Variants in ARHGAP6 observed in about 807,000 individuals in gnomAD.
ARHGAP6 encodes the protein rho GTPase-activating protein 6.
A neutral mutation model predicts 55.7 loss-of-function variants in ARHGAP6; 16 were observed. The ratio of observed to expected loss-of-function variants is 0.29; its 90% CI spans 0.19 to 0.44. The LOEUF (loss-of-function observed/expected upper bound fraction) is 0.44, where lower values mean the gene tolerates loss of function less well. ARHGAP6 is among the 20% of genes least tolerant of loss of function. ARHGAP6 has a pLI of 1.00. For synonymous variants in ARHGAP6, 382 were observed against 360.9 expected, an observed-to-expected ratio of 1.06 and a Z score of -0.66; for missense variants, 698 against 808.9, an observed-to-expected ratio of 0.86 and a Z score of 1.66.
chrX:11,181,950 T>TA (rs754110970), intron 6 of ARHGAP6, 113 bp downstream of exon 6: 49,058 of 464,582 alleles, frequency 0.11, 1,459 homozygotes, highest in African/African-American at 0.18. Flanking sequence ...GCTTGGAGGG[T>TA]AAAAAAAAAA....
intron 3 of ARHGAP6, among the ~76,000 whole-genome samples, chrX:11,191,395 T>C (rs1425293244): frequency 8.9e-6 from 1 of 112,037 alleles, no homozygotes; most frequent in Non-Finnish European, 1.9e-5. Flanking sequence ...AGTAAATGAA[T>C]AGGCATGGCT....
chrX:11,556,222 T>A (rs2051319320), intron 1 of ARHGAP6, among the ~76,000 whole-genome samples: 1 of 112,060 alleles, frequency 8.9e-6, no homozygotes, highest in Non-Finnish European at 1.9e-5. Context: ...ATCATTATCA[T>A]CCTCCTCAAA....
intron 1 of ARHGAP6, among the ~76,000 whole-genome samples, chrX:11,392,522 C>G (rs962745230): frequency 9.0e-6 from 1 of 111,677 alleles, no homozygotes; most frequent in Non-Finnish European, 1.9e-5. Context: ...AGAGAGAAAT[C>G]CTAAAAGGAA....
chrX:11,588,212 A>G (rs2051758831), intron 1 of ARHGAP6, among the ~76,000 whole-genome samples: 1 of 111,803 alleles, frequency 8.9e-6, no homozygotes, highest in South Asian at 3.7e-4. Flanking sequence ...CAACATTTTG[A>G]AAAGTAATAC....
intron 1 of ARHGAP6, among the ~76,000 whole-genome samples, chrX:11,370,529 AAT>A (rs1261520334): frequency 8.9e-6 from 1 of 111,815 alleles, no homozygotes; most frequent in African/African-American, 3.3e-5. Context: ...CCAGTGAAAG[AAT>A]AAAAGTGATA....
At chrX:11,289,651 G>A (rs369162387) in intron 1 of ARHGAP6, among the ~76,000 whole-genome samples, 1 of 111,690 alleles carries the variant, frequency 9.0e-6, no homozygotes, top group Admixed American at 9.5e-5. Flanking sequence ...TGCCATAATC[G>A]ATTTGAACCA....
chrX:11,359,905 G>A (rs1038628747), intron 1 of ARHGAP6, among the ~76,000 whole-genome samples: 1 of 111,970 alleles, frequency 8.9e-6, no homozygotes, highest in Non-Finnish European at 1.9e-5. Context: ...GGAAAATCTA[G>A]AAGAAATCGA....
chrX:11,437,594 T>C lies in ARHGAP6; in HGVS notation c.589-182887A>G, dbSNP rs765611122. ...TAAAGCCAAGTAAGGGTGTGATTTC[T>C]AGCAAAGTCCCAGTCTCAGTCTGGT... On this transcript the variant is annotated intron_variant, in intron 1 of 12. Coordinates refer to ENST00000337414, the MANE Select transcript of ARHGAP6 (RefSeq NM_013427.3). 2.3e-4 allele frequency among the ~76,000 whole-genome samples: 26 copies of C among 112,290 alleles called. No homozygotes were observed. In the South Asian group the frequency reaches 4.4e-3, roughly 19 times the overall value.
intron 1 of ARHGAP6, among the ~76,000 whole-genome samples, chrX:11,605,966 G>A (rs1269786568): frequency 9.0e-6 from 1 of 110,513 alleles, no homozygotes; most frequent in Non-Finnish European, 1.9e-5. Context: ...GTAAGTTGTG[G>A]GGCATGGAGT....
chrX:11,512,876 G>A (rs142665098), intron 1 of ARHGAP6, among the ~76,000 whole-genome samples: 8,248 of 111,479 alleles, frequency 0.074, 366 homozygotes, highest in East Asian at 0.18. Context: ...TAAATACATG[G>A]CAAATAATCA....
chrX:11,602,017 T>C (rs1410218973), intron 1 of ARHGAP6, among the ~76,000 whole-genome samples: 1 of 109,798 alleles, frequency 9.1e-6, no homozygotes, highest in Non-Finnish European at 1.9e-5. Context: ...TGAGAGGGGG[T>C]TGCTTAGCAA....
At chrX:11,226,638 G>GT (rs1246252187) in intron 2 of ARHGAP6, among the ~76,000 whole-genome samples, 1 of 112,004 alleles carries the variant, frequency 8.9e-6, no homozygotes, top group East Asian at 2.8e-4. Context: ...TTCATATTCA[G>GT]TTTTTAGGAG....
At chrX:11,164,758 C>A (rs1201306047) in intron 9 of ARHGAP6, among the ~76,000 whole-genome samples, 3 of 112,161 alleles carry the variant, frequency 2.7e-5, no homozygotes, top group Non-Finnish European at 5.6e-5. Context: ...TTTCTTGCCC[C>A]TCTCCTAAGA....
chrX:11,241,531 C>CGTGTGTGTGT lies in ARHGAP6; in HGVS notation c.748+13007_748+13016dup, dbSNP rs55815640. Among the ~76,000 whole-genome samples, 35 of 91,728 alleles carry CGTGTGTGTGT rather than the reference C, an allele frequency of 3.8e-4. No individual in the cohort carries two copies. The East Asian group carries it at 0.01, about 27-fold the overall frequency. 79.7% of individuals were successfully genotyped at this position (91,728 alleles called of 115,157 possible). ...CCCATCATTCAGGCAATGCTGGATA[C>CGTGTGTGTGT]GTGTGTGTGTGTGTGTGTGTGTGTG... On this transcript the variant is annotated intron_variant, in intron 2 of 12. Transcript: ENST00000337414.
intron 1 of ARHGAP6, among the ~76,000 whole-genome samples, chrX:11,504,422 C>T (rs1029276239): frequency 1.8e-5 from 2 of 111,317 alleles, no homozygotes; most frequent in African/African-American, 3.3e-5. Context: ...ACCAACACCA[C>T]TCCCCAGTTG....
At chrX:11,171,708 T>C (rs756876093) in intron 8 of ARHGAP6, among the ~76,000 whole-genome samples, 4 of 111,783 alleles carry the variant, frequency 3.6e-5, no homozygotes, top group Non-Finnish European at 7.5e-5. Context: ...TAAGTTTCTC[T>C]AGGCTAGGGT....
chrX:11,557,323 T>C (rs2051330206), intron 1 of ARHGAP6, among the ~76,000 whole-genome samples: 2 of 112,019 alleles, frequency 1.8e-5, no homozygotes, highest in Non-Finnish European at 3.8e-5. Context: ...ATGAGAAAGA[T>C]AGCAACCCCA....
At chrX:11,504,794 G>A (rs1301834172) in intron 1 of ARHGAP6, among the ~76,000 whole-genome samples, 3 of 111,710 alleles carry the variant, frequency 2.7e-5, no homozygotes, top group Non-Finnish European at 5.6e-5. Flanking sequence ...CACATGGGGA[G>A]AAAATGAACA....
At chrX:11,517,476 C>T (rs1427901863) in intron 1 of ARHGAP6, among the ~76,000 whole-genome samples, 1 of 111,775 alleles carries the variant, frequency 8.9e-6, no homozygotes, top group Non-Finnish European at 1.9e-5. Flanking sequence ...CTCGTGCACA[C>T]TGTTCTCTAT....
Sources: gnomAD v4.1 joint callset for allele counts (sites outside exome capture counted in the v4.1 genomes callset) on GRCh38, gnomAD v4.1.1 for gene constraint, MANE v1.5 for transcripts, NCBI Gene and HGNC (gene_info 2026-07-23, HGNC 2026-07-21) for gene names.